The following ABLIM1 variants were observed in gnomAD, a reference collection of about 807,000 sequenced individuals.
ABLIM1 encodes actin binding LIM protein 1, also known as actin-binding LIM protein 1.
ABLIM1 carries 40 observed loss-of-function variants against 107.0 expected under a neutral mutation model. The observed-to-expected ratio is 0.37, with a 90% confidence interval of 0.29 to 0.49. The LOEUF (loss-of-function observed/expected upper bound fraction) is 0.49. Among genes scored for constraint, ABLIM1 ranks in the 20% least tolerant of loss-of-function variants. The probability of loss-of-function intolerance (pLI) is 0.97; values close to 1 mark genes in which losing one functional copy is unlikely to be tolerated. For synonymous variants in ABLIM1, 357 were observed against 357.3 expected, an observed-to-expected ratio of 1.00 and a Z score of 0.01; for missense variants, 857 against 1,008.5, an observed-to-expected ratio of 0.85 and a Z score of 2.04.
At position 114,435,367 on chromosome 10, in the gene ABLIM1, T is replaced by A. The variant is rs1174188643; in HGVS notation, c.*893A>T. 6.6e-6 allele frequency: 1 copy of A among 152,204 alleles called. No individual in the cohort carries two copies. The highest frequency in any genetic ancestry group is 1.5e-5 in the Non-Finnish European group (1 of 68,044). 9.4% of individuals were successfully genotyped at this position (152,204 alleles called of 1,614,324 possible). On this transcript the variant is annotated 3_prime_UTR_variant, in exon 23 of 23. Transcript: ENST00000533213. ...TGTTTTTGTTTTTTGCTTTTTGGTT[T>A]TTTTTGGCCATGAATGATATGGCCC...
At chr10:114,622,320 C>G (rs1171122247) in intron 1 of ABLIM1, among the ~76,000 whole-genome samples, 2 of 149,102 alleles carry the variant, frequency 1.3e-5, no homozygotes, top group African/African-American at 4.9e-5. Flanking sequence ...GTTCATGGCT[C>G]ATCGCATCCT....
intron 15 of ABLIM1, among the ~76,000 whole-genome samples, chr10:114,445,614 C>G (rs1391916637): frequency 1.3e-5 from 2 of 152,176 alleles, no homozygotes; most frequent in African/African-American, 4.8e-5. Flanking sequence ...GTGTGACAAG[C>G]CAGGTCAACG....
In ABLIM1 at chr10:114,533,657, G is replaced by A. The variant is rs563362760; in HGVS notation, c.894+11348C>T. Among the ~76,000 whole-genome samples the A allele has an allele frequency of 5.3e-5, 8 of 151,288 alleles. 1 individual carries two copies. The South Asian group carries it at 8.4e-4, about 16-fold the overall frequency. ...TTAATACTGTGGGTCCAAAATTATC[G>A]TGTTTTTGTTGTTGTTGTTGTTGTT... On this transcript the variant is annotated intron_variant, in intron 6 of 22. Transcript: ENST00000533213.
intron 3 of ABLIM1, among the ~76,000 whole-genome samples, chr10:114,571,773 T>C (rs1253303909): frequency 2.6e-5 from 4 of 152,172 alleles, no homozygotes; most frequent in Admixed American, 2.6e-4. Context: ...GAATTCCCAG[T>C]GAAGCTTAAG....
At chr10:114,784,443 T>C in the ABLIM1 span, among the ~76,000 whole-genome samples, 10 of 151,672 alleles carry the variant, frequency 6.6e-5, no homozygotes, top group African/African-American at 2.2e-4. Flanking sequence ...GGTGGGTGGA[T>C]CACTTGAGGT....
At chr10:114,518,461 T>G (rs551245035) in intron 6 of ABLIM1, among the ~76,000 whole-genome samples, 1 of 151,776 alleles carries the variant, frequency 6.6e-6, no homozygotes, top group South Asian at 2.1e-4. Flanking sequence ...AAGGCTGGTA[T>G]GGGCTAAAGC....
chr10:114,594,281 T>C (rs925532866), intron 2 of ABLIM1, among the ~76,000 whole-genome samples: 1 of 152,242 alleles, frequency 6.6e-6, no homozygotes, highest in Admixed American at 6.5e-5. Context: ...TGCCTGAGCA[T>C]ATGTTTCCTT....
At chr10:114,642,420 A>C (rs1277409809) in intron 1 of ABLIM1, among the ~76,000 whole-genome samples, 1 of 152,258 alleles carries the variant, frequency 6.6e-6, no homozygotes, top group African/African-American at 2.4e-5. Flanking sequence ...AGATAATTTC[A>C]ATAGTAAGAA....
intron 16 of ABLIM1, 90 bp downstream of exon 16, chr10:114,445,222 C>A: frequency 3.3e-6 from 4 of 1,205,032 alleles, no homozygotes; most frequent in South Asian, 1.3e-5. Context: ...TCTTGCCTAT[C>A]TAGATGGTTT....
At chr10:114,787,887 AG>A in the ABLIM1 span, among the ~76,000 whole-genome samples, 2 of 147,180 alleles carry the variant, frequency 1.4e-5, no homozygotes, top group African/African-American at 5.0e-5. Flanking sequence ...TGGAATAGAA[AG>A]GGGGGAAAGG....
chr10:114,776,060 T>C, the ABLIM1 span: 1 of 152,156 alleles, frequency 6.6e-6, no homozygotes, highest in African/African-American at 2.4e-5. Flanking sequence ...TCCTACAATA[T>C]AGAGGGGTAT....
At chr10:114,440,903 G>T in intron 19 of ABLIM1, 114 bp downstream of exon 19, 2 of 1,037,602 alleles carry the variant, frequency 1.9e-6, no homozygotes, top group Non-Finnish European at 1.5e-6. Context: ...AGACAGATGT[G>T]ATCCTACTCT....
Position 114,507,460 on chromosome 10 carries a change from G to C in ABLIM1, c.895-15582C>G, listed in dbSNP as rs150622975. Reference sequence around the variant, plus strand: ...CTTACACCTTTGGATGACAACCAAAGAATTTCTGTATCCCACAAAGAAAGA... The same window carrying C: ...CTTACACCTTTGGATGACAACCAAACAATTTCTGTATCCCACAAAGAAAGA... On this transcript the variant is annotated intron_variant, in intron 6 of 22. Transcript: ENST00000533213. Among the ~76,000 whole-genome samples the C allele has an allele frequency of 2.7e-3, 405 of 152,326 alleles. 2 individuals are homozygous for C. The highest frequency in any genetic ancestry group is 9.1e-3 in the African/African-American group (379 of 41,576).
intron 4 of ABLIM1, among the ~76,000 whole-genome samples, chr10:114,556,277 G>T (rs147536299): frequency 4.6e-5 from 7 of 152,222 alleles, no homozygotes; most frequent in Non-Finnish European, 1.0e-4. Context: ...TGACCTGAAC[G>T]TGGATCAGAT....
intron 8 of ABLIM1, among the ~76,000 whole-genome samples, chr10:114,487,559 C>T (rs2058366978): frequency 6.6e-6 from 1 of 152,108 alleles, no homozygotes; most frequent in South Asian, 2.1e-4. Flanking sequence ...AATGAGAGAC[C>T]AGTAAAATGT....
intron 2 of ABLIM1, among the ~76,000 whole-genome samples, chr10:114,584,634 T>C (rs971055312): frequency 6.6e-6 from 1 of 152,206 alleles, no homozygotes; most frequent in African/African-American, 2.4e-5. Flanking sequence ...TGCTAATGCA[T>C]TGTTCTGAAA....
intron 1 of ABLIM1, among the ~76,000 whole-genome samples, chr10:114,616,651 G>T (rs760159381): frequency 1.6e-4 from 25 of 152,088 alleles, no homozygotes; most frequent in Non-Finnish European, 3.2e-4. Flanking sequence ...GACCCTCCTG[G>T]GTTCCTTGAC....
chr10:114,631,846 C>G, intron 1 of ABLIM1: 1 of 1,299,706 alleles, frequency 7.7e-7, no homozygotes, highest in South Asian at 1.2e-5. Flanking sequence ...TGGCCGAGCC[C>G]TGCGGTGCCA....
chr10:114,453,277 C>A, intron 13 of ABLIM1, 102 bp downstream of exon 13: 1 of 1,252,124 alleles, frequency 8.0e-7, no homozygotes, highest in Non-Finnish European at 1.2e-6. Flanking sequence ...GTTAACTGTG[C>A]ATCCCAATTA....
Sources: gnomAD v4.1 joint callset for allele counts (sites outside exome capture counted in the v4.1 genomes callset) on GRCh38, gnomAD v4.1.1 for gene constraint, MANE v1.5 for transcripts, NCBI Gene and HGNC (gene_info 2026-07-23, HGNC 2026-07-21) for gene names.